The following LRMDA variants were observed in gnomAD, a reference collection of about 807,000 sequenced individuals.
LRMDA encodes leucine rich melanocyte differentiation associated.
A neutral mutation model predicts 29.8 loss-of-function variants in LRMDA; 18 were observed. The ratio of observed to expected loss-of-function variants is 0.60; its 90% CI spans 0.42 to 0.90. The LOEUF (loss-of-function observed/expected upper bound fraction) is 0.90, where lower values mean the gene tolerates loss of function less well. LRMDA is among the 40% of genes least tolerant of loss of function. The pLI is 0.00. For missense variants in LRMDA, 273 were observed against 273.9 expected (o/e 1.00, Z 0.02); for synonymous variants, 125 against 109.4 (o/e 1.14, Z -0.89).
chr10:76,098,113 T>C (rs1415273561), intron 5 of LRMDA, among the ~76,000 whole-genome samples: 1 of 152,176 alleles, frequency 6.6e-6, no homozygotes, highest in African/African-American at 2.4e-5. Flanking sequence ...TTAATATTGG[T>C]CTATAGTTTT....
chr10:75,850,993 TA>T (rs980239365), intron 2 of LRMDA, among the ~76,000 whole-genome samples: 41 of 152,102 alleles, frequency 2.7e-4, no homozygotes, highest in Non-Finnish European at 3.1e-4. Context: ...ATAACAGCTT[TA>T]AAAAAAATTG....
chr10:76,363,123 AAGAAAGAAAGAAAGAAAG>A, intron 6 of LRMDA, among the ~76,000 whole-genome samples: 1 of 18,518 alleles, frequency 5.4e-5, no homozygotes, highest in East Asian at 7.3e-4. Context: ...TAAGGAAAGA[AAGAAAGAAAGAAAGAAAG>A]AAAGAAAGAA....
At chr10:76,152,313 T>A (rs1850460873) in intron 5 of LRMDA, among the ~76,000 whole-genome samples, 1 of 152,212 alleles carries the variant, frequency 6.6e-6, no homozygotes, top group Non-Finnish European at 1.5e-5. Flanking sequence ...TGGCATAGTG[T>A]TTTCAAGGAT....
intron 2 of LRMDA, among the ~76,000 whole-genome samples, chr10:75,943,361 A>G (rs1846426897): frequency 6.6e-6 from 1 of 152,158 alleles, no homozygotes; most frequent in Admixed American, 6.5e-5. Flanking sequence ...TTCTCCCACC[A>G]TTTTACAGAT....
intron 2 of LRMDA, among the ~76,000 whole-genome samples, chr10:75,874,997 T>G (rs1161381658): frequency 6.6e-6 from 1 of 152,202 alleles, no homozygotes; most frequent in Non-Finnish European, 1.5e-5. Flanking sequence ...GAGCAATTAT[T>G]CAGTCTCAGG....
chr10:76,527,445 G>A (rs1299996507), intron 6 of LRMDA, among the ~76,000 whole-genome samples: 1 of 152,110 alleles, frequency 6.6e-6, no homozygotes, highest in Non-Finnish European at 1.5e-5. Context: ...TTGGAGACCA[G>A]GGACATGATT....
chr10:76,052,341 A>G (rs1270485714), intron 4 of LRMDA, among the ~76,000 whole-genome samples: 1 of 152,222 alleles, frequency 6.6e-6, no homozygotes, highest in African/African-American at 2.4e-5. Flanking sequence ...TGTCAGAGAA[A>G]AAAACATGTC....
At chr10:76,334,258 T>G (rs1840940106) in intron 6 of LRMDA, among the ~76,000 whole-genome samples, 1 of 152,212 alleles carries the variant, frequency 6.6e-6, no homozygotes, top group African/African-American at 2.4e-5. Flanking sequence ...GGCCCAGTAT[T>G]AACTTCCTAG....
intron 5 of LRMDA, among the ~76,000 whole-genome samples, chr10:76,246,165 C>T (rs926422376): frequency 1.3e-5 from 2 of 152,112 alleles, no homozygotes; most frequent in African/African-American, 2.4e-5. Flanking sequence ...TGGTTCCACG[C>T]GGTACTACTG....
At chr10:76,413,407 G>A (rs940211116) in intron 6 of LRMDA, among the ~76,000 whole-genome samples, 6 of 152,146 alleles carry the variant, frequency 3.9e-5, no homozygotes, top group Admixed American at 6.5e-5. Context: ...CATTGAGGAG[G>A]GCAAAAGGCA....
intron 2 of LRMDA, among the ~76,000 whole-genome samples, chr10:75,547,065 T>A (rs1001799399): frequency 2.0e-5 from 3 of 152,194 alleles, no homozygotes; most frequent in Non-Finnish European, 2.9e-5. Context: ...ACCAAGTGCT[T>A]GTTGCCAGTG....
At chr10:76,071,084 C>T (rs766991824) in intron 5 of LRMDA, among the ~76,000 whole-genome samples, 18 of 152,230 alleles carry the variant, frequency 1.2e-4, no homozygotes, top group Admixed American at 1.2e-3. Flanking sequence ...TGAGTGACCT[C>T]GCACTCAACT....
At chr10:75,432,626 T>G (rs1844213530) in intron 1 of LRMDA, among the ~76,000 whole-genome samples, 1 of 152,240 alleles carries the variant, frequency 6.6e-6, no homozygotes, top group Non-Finnish European at 1.5e-5. Flanking sequence ...GAAATAGTTC[T>G]GAGTTTTTGA....
chr10:76,485,237 A>G (rs1842770527), intron 6 of LRMDA, among the ~76,000 whole-genome samples: 1 of 151,610 alleles, frequency 6.6e-6, no homozygotes, highest in South Asian at 2.1e-4. Context: ...TGCCTGCCCT[A>G]TTTTTGACTG....
At chr10:75,835,061 G>A (rs1012715823) in intron 2 of LRMDA, among the ~76,000 whole-genome samples, 14 of 152,106 alleles carry the variant, frequency 9.2e-5, no homozygotes, top group African/African-American at 2.7e-4. Context: ...ATCTGTATTC[G>A]TTTTCTATTG....
chr10:75,579,561 A>G (rs2894310), intron 2 of LRMDA, among the ~76,000 whole-genome samples: 12,877 of 152,262 alleles, frequency 0.085, 829 homozygotes, highest in East Asian at 0.32. Flanking sequence ...ATCCTCCCTA[A>G]CTCATTTTAT....
chr10:76,411,963 A>G (rs1161535658), intron 6 of LRMDA, among the ~76,000 whole-genome samples: 6 of 152,372 alleles, frequency 3.9e-5, no homozygotes, highest in South Asian at 2.1e-4. Context: ...AATGTTTGCA[A>G]AATCTCCGAG....
Position 76,324,483 on chromosome 10 carries a change from A to G in LRMDA, c.599A>G (p.Gln200Arg). 2 of 1,613,942 alleles carry G rather than the reference A, an allele frequency of 1.2e-6. No individual in the cohort carries two copies. The highest frequency in any genetic ancestry group is 2.2e-5 in the East Asian group (1 of 44,850). ...GCTTCCAGGGAACTCACCAGTCACC[A>G]AGGTTGGAACTCAGCTTTTTATTGC... ...PSASRELTSH[Q>R]GVLGKCRYVY... The change falls in exon 6 of 7, where the codon CAA becomes CGA. Residue 200 changes from glutamine (Q) to arginine (R), a missense_variant and splice_region_variant. Coordinates refer to ENST00000611255, the MANE Select transcript of LRMDA (RefSeq NM_001305581.2).
intron 5 of LRMDA, among the ~76,000 whole-genome samples, chr10:76,271,023 C>T (rs1006469684): frequency 7.9e-5 from 12 of 152,166 alleles, no homozygotes; most frequent in African/African-American, 2.9e-4. Flanking sequence ...GTCTCTTTCC[C>T]CCTGTCCTTT....
Sources: allele counts gnomAD v4.1 joint callset (sites outside exome capture counted in the v4.1 genomes callset), GRCh38; gene constraint gnomAD v4.1.1; transcripts MANE v1.5; gene names NCBI Gene and HGNC (gene_info 2026-07-23, HGNC 2026-07-21).